Variants in ITFG1 observed in about 807,000 individuals in gnomAD.
ITFG1 encodes the protein integrin alpha FG-GAP repeat containing 1, also known as T-cell immunomodulatory protein.
Under a neutral mutation model 81.8 loss-of-function variants are expected in ITFG1, and 34 were observed. That is an observed-to-expected ratio of 0.42 (90% CI 0.32 to 0.55). The LOEUF is 0.55. Ranked by LOEUF, ITFG1 falls within the 20% of genes least tolerant of loss-of-function variation. The pLI, the probability that ITFG1 is intolerant of heterozygous loss-of-function variation, is 0.17. For synonymous variants in ITFG1, 285 were observed against 270.6 expected, an observed-to-expected ratio of 1.05 and a Z score of -0.52; for missense variants, 672 against 755.4, an observed-to-expected ratio of 0.89 and a Z score of 1.29.
chr16:47,186,456 A>G (rs1965218060), intron 14 of ITFG1, among the ~76,000 whole-genome samples: 1 of 152,218 alleles, frequency 6.6e-6, no homozygotes, highest in South Asian at 2.1e-4. Flanking sequence ...CTGGTTCAAT[A>G]TACGCAAATC....
chr16:47,437,470 GAA>G (rs1172465301), intron 5 of ITFG1, among the ~76,000 whole-genome samples: 6 of 71,358 alleles, frequency 8.4e-5, no homozygotes, highest in Non-Finnish European at 5.7e-5. Flanking sequence ...TCCATCTCCT[GAA>G]AAAAAAAAAA....
At chr16:47,351,748 T>C (rs980534591) in intron 8 of ITFG1, among the ~76,000 whole-genome samples, 3 of 152,030 alleles carry the variant, frequency 2.0e-5, no homozygotes, top group South Asian at 2.1e-4. Flanking sequence ...GAGCCCGCAT[T>C]GCCAAGTCAA....
At chr16:47,203,692 G>A (rs1965456763) in intron 14 of ITFG1, among the ~76,000 whole-genome samples, 1 of 152,200 alleles carries the variant, frequency 6.6e-6, no homozygotes, top group Admixed American at 6.5e-5. Flanking sequence ...TTGATGGGGA[G>A]CAGCTGTAAA....
chr16:47,266,806 T>C (rs1326479183), intron 10 of ITFG1, among the ~76,000 whole-genome samples: 2 of 152,166 alleles, frequency 1.3e-5, no homozygotes, highest in Non-Finnish European at 2.9e-5. Context: ...TATCCAAATA[T>C]CTATCAATTG....
chr16:47,224,894 G>A (rs982878308), intron 13 of ITFG1, among the ~76,000 whole-genome samples: 2 of 152,158 alleles, frequency 1.3e-5, no homozygotes, highest in African/African-American at 4.8e-5. Context: ...AGCTACTCAG[G>A]AGGCTGAGGT....
intron 10 of ITFG1, among the ~76,000 whole-genome samples, chr16:47,302,886 A>C (rs1376016301): frequency 6.6e-6 from 1 of 152,224 alleles, no homozygotes; most frequent in Admixed American, 6.5e-5. Flanking sequence ...TGGTATGAAG[A>C]AAACACTTAG....
intron 5 of ITFG1, among the ~76,000 whole-genome samples, chr16:47,439,294 A>G (rs1466514810): frequency 6.6e-6 from 1 of 152,244 alleles, no homozygotes; most frequent in Non-Finnish European, 1.5e-5. Flanking sequence ...TCCCCGATCT[A>G]GCAAGGCAGG....
chr16:47,362,960 G>C (rs914253391), intron 8 of ITFG1, among the ~76,000 whole-genome samples: 2 of 152,006 alleles, frequency 1.3e-5, no homozygotes, highest in African/African-American at 2.4e-5. Context: ...GCAGTGGCAC[G>C]ATCACTGTTC....
chr16:47,338,467 C>T (rs539041684), intron 8 of ITFG1, among the ~76,000 whole-genome samples: 69 of 151,840 alleles, frequency 4.5e-4, no homozygotes, highest in African/African-American at 1.4e-3. Flanking sequence ...CCCTAGCAAA[C>T]GATGGGAGTG....
At chr16:47,338,388 T>A (rs6598817) in intron 8 of ITFG1, among the ~76,000 whole-genome samples, 151,975 of 152,254 alleles carry the variant, frequency 1, 75,848 homozygotes, top group Middle Eastern at 1. Context: ...AGCCTGAGCA[T>A]CAAGAGCAAA....
chr16:47,430,343 G>A (rs1969080025), intron 5 of ITFG1, among the ~76,000 whole-genome samples: 1 of 152,010 alleles, frequency 6.6e-6, no homozygotes, highest in South Asian at 2.1e-4. Flanking sequence ...TGGGATTACA[G>A]GCGTGAGCCA....
intron 6 of ITFG1, among the ~76,000 whole-genome samples, chr16:47,401,929 C>T (rs1308848984): frequency 2.0e-5 from 3 of 152,178 alleles, no homozygotes; most frequent in East Asian, 3.9e-4. Context: ...ACTCTAAAGC[C>T]GATCCTCCTT....
intron 14 of ITFG1, among the ~76,000 whole-genome samples, chr16:47,177,703 G>A (rs999908451): frequency 1.3e-5 from 2 of 152,120 alleles, no homozygotes; most frequent in African/African-American, 4.8e-5. Context: ...GATAACAGAA[G>A]ATCATGGTTG....
chr16:47,451,438 C>A lies in ITFG1; in HGVS notation c.518G>T (p.Gly173Val). Reference sequence around the variant, plus strand: ...TGGCTGGTTGGATTCATTTGTGATACCAAAAATATCAGGAATTAGATCACC... The same window carrying A: ...TGGCTGGTTGGATTCATTTGTGATAACAAAAATATCAGGAATTAGATCACC... Reference protein sequence around the residue: ...FNGDLIPDIFGITNESNQPQI... With the variant: ...FNGDLIPDIFVITNESNQPQI... The change falls in exon 5 of 18, where the codon GGT becomes GTT. Residue 173 changes from glycine to valine, a missense_variant. Transcript: ENST00000320640. The A allele has an allele frequency of 1.3e-6, 2 of 1,585,672 alleles. No individual in the cohort carries two copies. The highest frequency in any genetic ancestry group is 1.7e-4 in the Middle Eastern group (1 of 6,020).
chr16:47,230,901 A>C (rs1195672061), intron 13 of ITFG1, among the ~76,000 whole-genome samples: 1 of 152,160 alleles, frequency 6.6e-6, no homozygotes, highest in Admixed American at 6.5e-5. Context: ...GGCGCCCGAC[A>C]CCATGTCCGG....
At chr16:47,237,010 G>A (rs1356602276) in intron 13 of ITFG1, among the ~76,000 whole-genome samples, 1 of 152,126 alleles carries the variant, frequency 6.6e-6, no homozygotes. Context: ...CAAAAGCCGC[G>A]CCCCTCTGGC....
At chr16:47,445,035 C>T (rs186290836) in intron 5 of ITFG1, among the ~76,000 whole-genome samples, 69 of 151,076 alleles carry the variant, frequency 4.6e-4, no homozygotes, top group African/African-American at 1.6e-3. Context: ...TCCAGTGCAT[C>T]CGAATTCAGA....
chr16:47,160,505 C>G (rs1293886610), intron 16 of ITFG1, among the ~76,000 whole-genome samples: 1 of 151,900 alleles, frequency 6.6e-6, no homozygotes, highest in Non-Finnish European at 1.5e-5. Context: ...TATATAGTTT[C>G]CTACTCATGG....
At position 47,427,616 on chromosome 16, in the gene ITFG1, ACT is replaced by A. The variant is rs1017891535; in HGVS notation, c.655+1186_655+1187del. On this transcript the variant is annotated intron_variant, in intron 6 of 17. Transcript: ENST00000320640. ...ACTACAGCCTGGGCGACAGAGCGAGACTCTGTCTCCAAAAAAAAGAATTCTGA... is the reference window on the plus strand; with the variant it reads ...ACTACAGCCTGGGCGACAGAGCGAGACTGTCTCCAAAAAAAAGAATTCTGA... Among the ~76,000 whole-genome samples, 17 of 152,020 alleles carry A rather than the reference ACT, an allele frequency of 1.1e-4. 1 individual carries two copies. The highest frequency in any genetic ancestry group is 4.6e-4 in the Admixed American group (7 of 15,278).
Sources: gnomAD v4.1 joint callset for allele counts (sites outside exome capture counted in the v4.1 genomes callset) on GRCh38, gnomAD v4.1.1 for gene constraint, MANE v1.5 for transcripts, NCBI Gene and HGNC (gene_info 2026-07-23, HGNC 2026-07-21) for gene names.